The following GRIK2 variants were observed in gnomAD, a reference collection of about 807,000 sequenced individuals.
GRIK2 encodes the protein glutamate ionotropic receptor kainate type subunit 2.
GRIK2 carries 32 observed loss-of-function variants against 100.3 expected under a neutral mutation model. The ratio of observed to expected loss-of-function variants is 0.32; its 90% CI spans 0.24 to 0.43. The LOEUF (loss-of-function observed/expected upper bound fraction) is 0.43, where lower values mean the gene tolerates loss of function less well. Ranked by LOEUF, GRIK2 falls within the 20% of genes least tolerant of loss-of-function variation. The probability of loss-of-function intolerance (pLI) is 1.00; values close to 1 mark genes in which losing one functional copy is unlikely to be tolerated. For missense variants in GRIK2, 843 were observed against 1,114.9 expected, an observed-to-expected ratio of 0.76 and a Z score of 3.47; for synonymous variants, 417 against 389.4, an observed-to-expected ratio of 1.07 and a Z score of -0.83.
intron 7 of GRIK2, among the ~76,000 whole-genome samples, chr6:101,714,582 T>C (rs1773934252): frequency 6.6e-6 from 1 of 151,760 alleles, no homozygotes; most frequent in Non-Finnish European, 1.5e-5. Context: ...AGGCTCACTT[T>C]AGAGATGTTC....
chr6:101,898,401 T>A (rs540147462), intron 12 of GRIK2, among the ~76,000 whole-genome samples: 32 of 152,110 alleles, frequency 2.1e-4, no homozygotes, highest in Admixed American at 1.8e-3. Flanking sequence ...CAGTTTTTTT[T>A]ATTTAAAGTA....
At chr6:101,987,296 C>T (rs1237002628) in intron 14 of GRIK2, among the ~76,000 whole-genome samples, 1 of 151,788 alleles carries the variant, frequency 6.6e-6, no homozygotes, top group Admixed American at 6.6e-5. Flanking sequence ...CTACATTTTA[C>T]ATTGGTTCTT....
At chr6:101,723,355 C>T (rs1193862388) in intron 7 of GRIK2, among the ~76,000 whole-genome samples, 1 of 151,940 alleles carries the variant, frequency 6.6e-6, no homozygotes, top group East Asian at 1.9e-4. Flanking sequence ...AACTATGAGT[C>T]ATAGTGGCAA....
At chr6:102,058,326 A>ATATC (rs1771567167) in intron 16 of GRIK2, among the ~76,000 whole-genome samples, 1 of 151,716 alleles carries the variant, frequency 6.6e-6, no homozygotes, top group African/African-American at 2.4e-5. Flanking sequence ...TGGTGGCATA[A>ATATC]TATCTATCTA....
chr6:101,932,165 A>G (rs1224069839), intron 14 of GRIK2, among the ~76,000 whole-genome samples: 3 of 152,026 alleles, frequency 2.0e-5, no homozygotes, highest in Admixed American at 1.3e-4. Context: ...CCATGACTCA[A>G]GTTTTCCAGT....
chr6:101,700,642 T>A (rs908171996), intron 7 of GRIK2, among the ~76,000 whole-genome samples: 3 of 152,140 alleles, frequency 2.0e-5, no homozygotes, highest in Non-Finnish European at 4.4e-5. Context: ...TGCCAATATA[T>A]TTAGCATGTT....
At chr6:101,838,266 A>G (rs1023368954) in intron 10 of GRIK2, among the ~76,000 whole-genome samples, 1 of 152,194 alleles carries the variant, frequency 6.6e-6, no homozygotes, top group Non-Finnish European at 1.5e-5. Flanking sequence ...GAAGGTTTCC[A>G]TGTCATGTAA....
At chr6:101,931,455 A>T (rs1208864713) in intron 14 of GRIK2, among the ~76,000 whole-genome samples, 1 of 152,160 alleles carries the variant, frequency 6.6e-6, no homozygotes, top group Non-Finnish European at 1.5e-5. Flanking sequence ...TATTATAAAA[A>T]ACGATACAGT....
chr6:101,718,679 G>GT (rs1243580061), intron 7 of GRIK2, among the ~76,000 whole-genome samples: 1 of 151,772 alleles, frequency 6.6e-6, no homozygotes, highest in Non-Finnish European at 1.5e-5. Context: ...CTACTTTTTT[G>GT]TAACAGGTGA....
At chr6:101,929,482 TAA>T (rs75539570) in intron 14 of GRIK2, among the ~76,000 whole-genome samples, 54 of 139,858 alleles carry the variant, frequency 3.9e-4, no homozygotes, top group Middle Eastern at 3.8e-3. Context: ...TATTTTTTTT[TAA>T]AAAAATGATT....
Position 101,713,721 on chromosome 6 carries a change from A to G in GRIK2, c.951+27368A>G, listed in dbSNP as rs560489484. Among the ~76,000 whole-genome samples, 9 of 151,878 alleles carry G rather than the reference A, an allele frequency of 5.9e-5. No individual in the cohort carries two copies. In the South Asian group the frequency reaches 1.9e-3, roughly 31 times the overall value. On this transcript the variant is annotated intron_variant, in intron 7 of 16. Coordinates refer to ENST00000369134, the MANE Select transcript of GRIK2 (RefSeq NM_021956.5). ...ATCAGGACTTTTAAACATTTTTTAT[A>G]ATGATTTGGATAGAAATAGTCAAAT...
chr6:101,475,559 G>A (rs1173866703), intron 2 of GRIK2, among the ~76,000 whole-genome samples: 1 of 151,776 alleles, frequency 6.6e-6, no homozygotes, highest in African/African-American at 2.4e-5. Flanking sequence ...TTGAAAACTT[G>A]TTTCTGTTTT....
intron 14 of GRIK2, among the ~76,000 whole-genome samples, chr6:101,983,503 T>G (rs2128490021): frequency 6.6e-6 from 1 of 151,918 alleles, no homozygotes; most frequent in African/African-American, 2.4e-5. Flanking sequence ...CTAGAGTTTT[T>G]CTCTATTTTA....
intron 7 of GRIK2, among the ~76,000 whole-genome samples, chr6:101,771,879 C>A (rs1422795943): frequency 6.6e-6 from 1 of 152,016 alleles, no homozygotes. Context: ...TTTTTTATGG[C>A]TGCATAGTAT....
At chr6:101,679,799 G>A (rs1256834176) in intron 5 of GRIK2, among the ~76,000 whole-genome samples, 3 of 152,174 alleles carry the variant, frequency 2.0e-5, no homozygotes, top group African/African-American at 7.2e-5. Context: ...AAGTGCAATG[G>A]TGCGATCTCG....
At chr6:102,033,274 A>T (rs1249939324) in intron 14 of GRIK2, among the ~76,000 whole-genome samples, 1 of 151,316 alleles carries the variant, frequency 6.6e-6, no homozygotes, top group Non-Finnish European at 1.5e-5. Flanking sequence ...GAGGAAGTAT[A>T]TGAATCAAGA....
Position 101,592,467 on chromosome 6 carries a change from A to G in GRIK2, c.116-29482A>G, listed in dbSNP as rs186276605. 4.6e-5 allele frequency among the ~76,000 whole-genome samples: 7 copies of G among 151,350 alleles called. No individual in the cohort carries two copies. The East Asian group carries it at 1.4e-3, about 30-fold the overall frequency. ...CTAGAAAGGAGGTATGCTTTGGTAA[A>G]AAACTTCAGCTGAGGCAATTCCTGG... On this transcript the variant is annotated intron_variant, in intron 2 of 16. Coordinates refer to ENST00000369134, the MANE Select transcript of GRIK2 (RefSeq NM_021956.5).
At chr6:101,698,871 G>C (rs1238453628) in intron 7 of GRIK2, among the ~76,000 whole-genome samples, 1 of 152,076 alleles carries the variant, frequency 6.6e-6, no homozygotes, top group African/African-American at 2.4e-5. Flanking sequence ...TTTTGTTTAG[G>C]ATATAACTAT....
At chr6:101,740,166 C>CT (rs1775929869) in intron 7 of GRIK2, among the ~76,000 whole-genome samples, 1 of 152,198 alleles carries the variant, frequency 6.6e-6, no homozygotes, top group Non-Finnish European at 1.5e-5. Context: ...TCCAAATCTG[C>CT]TGTGGCTGTA....
Sources: gnomAD v4.1 joint callset for allele counts (sites outside exome capture counted in the v4.1 genomes callset) on GRCh38, gnomAD v4.1.1 for gene constraint, MANE v1.5 for transcripts, NCBI Gene and HGNC (gene_info 2026-07-23, HGNC 2026-07-21) for gene names.